Variants in COL1A2 observed in about 807,000 individuals in gnomAD.
COL1A2 encodes collagen alpha-2(I) chain.
Under a neutral mutation model 174.3 loss-of-function variants are expected in COL1A2, and 49 were observed. That is an observed-to-expected ratio of 0.28 (90% CI 0.22 to 0.36). The LOEUF (loss-of-function observed/expected upper bound fraction) is 0.36. Ranked by LOEUF, COL1A2 falls within the 10% of genes least tolerant of loss-of-function variation. COL1A2 has a pLI of 1.00. For synonymous variants in COL1A2, 655 were observed against 606.6 expected, an observed-to-expected ratio of 1.08 and a Z score of -1.17; for missense variants, 1,438 against 1,822.7, an observed-to-expected ratio of 0.79 and a Z score of 3.84.
chr7:94,397,838 A>G, intron 2 of COL1A2, 80 bp downstream of exon 2: 1 of 833,984 alleles, frequency 1.2e-6, no homozygotes, highest in Non-Finnish European at 2.0e-6. Context: ...GGAAGGGAAG[A>G]AGTTACATTA....
At chr7:94,412,779 G>A (rs1047362927) in intron 25 of COL1A2, 97 bp downstream of exon 25, 2 of 1,101,602 alleles carry the variant, frequency 1.8e-6, no homozygotes, top group East Asian at 2.5e-5. Context: ...CCAGTCTCAG[G>A]GAGTTTCCTT....
At chr7:94,411,034 T>A in intron 22 of COL1A2, 22 bp from the exon 23 acceptor site, 1 of 311,634 alleles carries the variant, frequency 3.2e-6, no homozygotes. Context: ...CCTCTATCTG[T>A]TTTTTTTTTT....
intron 31 of COL1A2, chr7:94,417,514 C>T: frequency 1.7e-6 from 1 of 579,396 alleles, no homozygotes; most frequent in Non-Finnish European, 3.2e-6. Flanking sequence ...GCTGTGCACT[C>T]CCACTACCCT....
chr7:94,399,022 A>C (rs1791634982), intron 3 of COL1A2, 27 bp from the exon 4 acceptor site: 1 of 1,610,248 alleles, frequency 6.2e-7, no homozygotes, highest in Non-Finnish European at 8.5e-7. Flanking sequence ...GGCATTTATT[A>C]TTGTCCTGTT....
chr7:94,407,570 A>C (rs1188466629), intron 12 of COL1A2, among the ~76,000 whole-genome samples: 1 of 152,198 alleles, frequency 6.6e-6, no homozygotes, highest in Non-Finnish European at 1.5e-5. Flanking sequence ...CTAGTATATA[A>C]TTGATATCCT....
chr7:94,395,397 C>G lies in COL1A2; in HGVS notation c.70+296C>G, dbSNP rs191760709. On this transcript the variant is annotated intron_variant, in intron 1 of 51. Coordinates refer to ENST00000297268, the MANE Select transcript of COL1A2 (RefSeq NM_000089.4). ...CAAAGGGAGCGGAAGGTCTTTTTCC[C>G]TAAGGATGAGATATTAACGACCAAT... is the stretch of plus-strand genomic sequence containing the variant. 9.7e-6 allele frequency: 4 copies of G among 410,468 alleles called. No homozygotes were observed. In the East Asian group the frequency reaches 1.8e-4, roughly 18 times the overall value. The allele number at this position is 410,468 out of a possible 1,614,324, so 25.4% of individuals were successfully genotyped here.
At chr7:94,411,301 G>T in intron 23 of COL1A2, 147 bp downstream of exon 23, 2 of 712,564 alleles carry the variant, frequency 2.8e-6, no homozygotes, top group Non-Finnish European at 4.9e-6. Flanking sequence ...CTTTATCAAA[G>T]CTCAGTAGAT....
At chr7:94,400,610 CTGTG>C (rs1554394915) in intron 5 of COL1A2, among the ~76,000 whole-genome samples, 2 of 152,146 alleles carry the variant, frequency 1.3e-5, no homozygotes, top group Non-Finnish European at 2.9e-5. Context: ...TTAGATTGAA[CTGTG>C]TAAGTGAAAT....
chr7:94,408,530 A>G (rs1369914078), intron 15 of COL1A2, 150 bp downstream of exon 15: 2 of 1,103,004 alleles, frequency 1.8e-6, no homozygotes, highest in Non-Finnish European at 2.7e-6. Context: ...TAAGTAGTGT[A>G]AGCCATTTAT....
At chr7:94,407,913 G>T in intron 13 of COL1A2, 22 bp downstream of exon 13, 4 of 1,606,838 alleles carry the variant, frequency 2.5e-6, no homozygotes, top group Non-Finnish European at 3.4e-6. Flanking sequence ...CTACTTCATT[G>T]TAAATTTAAA....
rs1039095983 is a variant in COL1A2, at chr7:94,431,164, A to G, written c.*771A>G. 1 of 152,630 alleles carries G rather than the reference A, an allele frequency of 6.6e-6. No individual in the cohort carries two copies. Among genetic ancestry groups the G allele is most frequent in the African/African-American group, 2.4e-5 (1 of 41,450 alleles). 9.5% of individuals were successfully genotyped at this position (152,630 alleles called of 1,614,324 possible). A position where few individuals can be genotyped will look rare whatever the true frequency, so the allele number is the denominator to read the frequency against. On this transcript the variant is annotated 3_prime_UTR_variant, in exon 52 of 52. Transcript: ENST00000297268. Reference sequence around the variant, plus strand: ...AAATTAAATTGTACCTATTTTGTATATGTGAGATGTTTAAATAAATTGTGA... The same window carrying G: ...AAATTAAATTGTACCTATTTTGTATGTGTGAGATGTTTAAATAAATTGTGA...
At chr7:94,405,052 T>C in intron 9 of COL1A2, 147 bp from the exon 10 acceptor site, 1 of 1,061,420 alleles carries the variant, frequency 9.4e-7, no homozygotes, top group Non-Finnish European at 1.4e-6. Context: ...TTAACTAACC[T>C]ACTTGTATTA....
At chr7:94,409,691 C>T (rs757508840) in intron 18 of COL1A2, 32 bp from the exon 19 acceptor site, 91 of 1,613,158 alleles carry the variant, frequency 5.6e-5, no homozygotes, top group Non-Finnish European at 7.3e-5. Flanking sequence ...CCATCACCTC[C>T]CTAATGGACC....
intron 39 of COL1A2, 77 bp from the exon 40 acceptor site, chr7:94,422,880 A>T: frequency 6.5e-7 from 1 of 1,533,884 alleles, no homozygotes; most frequent in East Asian, 2.3e-5. Context: ...GCATCTTAAG[A>T]TCTAGAATCT....
intron 40 of COL1A2, 138 bp from the exon 41 acceptor site, chr7:94,424,198 T>C (rs759191294): frequency 1.4e-6 from 1 of 709,266 alleles, no homozygotes; most frequent in Non-Finnish European, 2.5e-6. Context: ...AGAAAAGATA[T>C]CCAAGGATAT....
chr7:94,402,830 T>G (rs1422025592), intron 6 of COL1A2, among the ~76,000 whole-genome samples: 1 of 152,174 alleles, frequency 6.6e-6, no homozygotes, highest in East Asian at 1.9e-4. Context: ...AAAGAAGATG[T>G]TCTGCTGGAG....
intron 50 of COL1A2, 123 bp downstream of exon 50, chr7:94,428,600 C>G: frequency 1.1e-6 from 1 of 929,358 alleles, no homozygotes; most frequent in African/African-American, 1.6e-5. Flanking sequence ...TGTTCCTTTC[C>G]TGGGTTCCAA....
In COL1A2 at chr7:94,406,816, T is replaced by G. The variant is rs1166758354; in HGVS notation, c.594+513T>G. On this transcript the variant is annotated intron_variant, in intron 12 of 51. Transcript: ENST00000297268. ...GTTATCTCTTGGCTAGGCTCTTCTC[T>G]GACAGCGTTTTCAACTATAAAATGT... 2.0e-5 allele frequency among the ~76,000 whole-genome samples: 3 copies of G among 152,234 alleles called. No individual in the cohort carries two copies. In the East Asian group the frequency reaches 5.8e-4, roughly 29 times the overall value.
intron 6 of COL1A2, among the ~76,000 whole-genome samples, chr7:94,404,136 A>T (rs1466828942): frequency 6.6e-6 from 1 of 152,220 alleles, no homozygotes; most frequent in Non-Finnish European, 1.5e-5. Flanking sequence ...TTGTGGCAAT[A>T]AAAATACCAA....
Sources: allele counts gnomAD v4.1 joint callset (sites outside exome capture counted in the v4.1 genomes callset), GRCh38; gene constraint gnomAD v4.1.1; transcripts MANE v1.5; gene names NCBI Gene and HGNC (gene_info 2026-07-23, HGNC 2026-07-21).